MTM1: variants seen among roughly 807,000 people sequenced by gnomAD.
The protein encoded by MTM1 is myotubularin.
Under a neutral mutation model 52.1 loss-of-function variants are expected in MTM1, and 9 were observed. That is an observed-to-expected ratio of 0.17 (90% confidence interval 0.10 to 0.30). The LOEUF (loss-of-function observed/expected upper bound fraction) is 0.30, where lower values mean the gene tolerates loss of function less well. Among genes scored for constraint, MTM1 ranks in the 10% least tolerant of loss-of-function variants. The pLI is 1.00. For synonymous variants in MTM1, 136 were observed against 163.8 expected (o/e 0.83, Z 1.29); for missense variants, 277 against 470.7 (o/e 0.59, Z 3.81).
intron 10 of MTM1, among the ~76,000 whole-genome samples, chrX:150,653,863 G>A (rs1557414303): frequency 8.9e-6 from 1 of 112,143 alleles, no homozygotes; most frequent in African/African-American, 3.2e-5. Flanking sequence ...TTGGATGGCA[G>A]CTAGCCCTCA....
rs140383656 is a variant in MTM1, at chrX:150,671,255, T to C, written c.1645-173T>C. Among the ~76,000 whole-genome samples, 153 of 111,935 alleles carry C rather than the reference T, an allele frequency of 1.4e-3. 1 individual carries two copies. The highest frequency in any genetic ancestry group is 4.8e-3 in the African/African-American group (148 of 30,805). ...GTACTTGGGTGTTTAGTACTCTGTG[T>C]TGTACTTTCCTGTATGTGTCAATGA... On this transcript the variant is annotated intron_variant, in intron 14 of 14. Transcript: ENST00000370396.
chrX:150,575,739 A>T (rs956207327), intron 1 of MTM1, among the ~76,000 whole-genome samples: 27 of 111,874 alleles, frequency 2.4e-4, no homozygotes, highest in African/African-American at 8.5e-4. Context: ...TATTGTGTTT[A>T]CTCTAGGTTT....
chrX:150,662,524 A>G (rs1337838406), intron 13 of MTM1, among the ~76,000 whole-genome samples: 4 of 110,496 alleles, frequency 3.6e-5, no homozygotes, highest in African/African-American at 1.3e-4. Context: ...GGGCTTCACC[A>G]TGTTGGCCAG....
intron 1 of MTM1, among the ~76,000 whole-genome samples, chrX:150,583,239 A>T (rs1197488539): frequency 1.5e-5 from 1 of 68,381 alleles, no homozygotes; most frequent in Non-Finnish European, 2.4e-5. Flanking sequence ...TTATATATAA[A>T]TTATAAATTT....
At position 150,616,327 on chromosome X, in the gene MTM1, G is replaced by A. The variant is rs145564894; in HGVS notation, c.342+1628G>A. 2.1e-4 allele frequency among the ~76,000 whole-genome samples: 23 copies of A among 111,824 alleles called. No individual in the cohort carries two copies. The East Asian group carries it at 6.2e-3, about 30-fold the overall frequency. On this transcript the variant is annotated intron_variant, in intron 5 of 14. Transcript: ENST00000370396. ...AAATTGTCTCCCCAGAAACACTGACGTCACAGAGTCATATTCCATTTTCTC... is the reference window on the plus strand; with the variant it reads ...AAATTGTCTCCCCAGAAACACTGACATCACAGAGTCATATTCCATTTTCTC...
chrX:150,646,615 A>G (rs781983824), intron 9 of MTM1, among the ~76,000 whole-genome samples: 1 of 111,957 alleles, frequency 8.9e-6, no homozygotes, highest in African/African-American at 3.2e-5. Context: ...TCCTCCCATC[A>G]TTGCTGTCAC....
Position 150,661,243 on chromosome X carries a change from C to T in MTM1, c.1467+759C>T, listed in dbSNP as rs999511163. ...TTTGCCATGTTACCTGGGCTGGTCTCGAACTCCTGAGCTCAAGTGATCCAC... is the reference window on the plus strand; with the variant it reads ...TTTGCCATGTTACCTGGGCTGGTCTTGAACTCCTGAGCTCAAGTGATCCAC... On this transcript the variant is annotated intron_variant, in intron 13 of 14. Coordinates refer to ENST00000370396, the MANE Select transcript of MTM1 (RefSeq NM_000252.3). Among the ~76,000 whole-genome samples, 11 of 110,733 alleles carry T rather than the reference C, an allele frequency of 9.9e-5. No individual in the cohort carries two copies. The East Asian group carries it at 2.8e-3, about 29-fold the overall frequency.
At chrX:150,585,876 TC>T (rs1347917632) in intron 1 of MTM1, among the ~76,000 whole-genome samples, 1 of 112,003 alleles carries the variant, frequency 8.9e-6, no homozygotes, top group Non-Finnish European at 1.9e-5. Flanking sequence ...GTTACCCTGT[TC>T]CATGGCCACA....
chrX:150,645,952 T>G (rs1006290280), intron 9 of MTM1, 81 bp downstream of exon 9: 5 of 910,594 alleles, frequency 5.5e-6, no homozygotes, highest in Non-Finnish European at 4.8e-6. Context: ...TGCCATGATA[T>G]AGAAACACGT....
At chrX:150,615,772 T>C (rs1363122779) in intron 5 of MTM1, among the ~76,000 whole-genome samples, 1 of 112,234 alleles carries the variant, frequency 8.9e-6, no homozygotes, top group Non-Finnish European at 1.9e-5. Context: ...CAAGACTCGT[T>C]TTTTCTATCA....
chrX:150,590,249 C>T (rs781985069), intron 1 of MTM1, among the ~76,000 whole-genome samples: 5 of 112,270 alleles, frequency 4.5e-5, no homozygotes, highest in Non-Finnish European at 9.4e-5. Context: ...GGAACTGGCA[C>T]ATGTTATCTG....
At chrX:150,575,920 T>C (rs2038464172) in intron 1 of MTM1, among the ~76,000 whole-genome samples, 1 of 111,329 alleles carries the variant, frequency 9.0e-6, no homozygotes, top group African/African-American at 3.3e-5. Context: ...CAAGCAATTC[T>C]CCTGCCTCAG....
chrX:150,568,907 C>T (rs919495048), intron 1 of MTM1, among the ~76,000 whole-genome samples: 1 of 112,872 alleles, frequency 8.9e-6, no homozygotes, highest in Non-Finnish European at 1.9e-5. Context: ...CCAAGGTGGC[C>T]GGCCGGCGGC....
At chrX:150,641,482 A>G in intron 8 of MTM1, 64 bp downstream of exon 8, 1 of 1,155,661 alleles carries the variant, frequency 8.7e-7, no homozygotes, top group Non-Finnish European at 1.2e-6. Flanking sequence ...TGGTAGTCAT[A>G]TAACTTAGAG....
At chrX:150,630,195 C>A (rs1025308667) in intron 6 of MTM1, among the ~76,000 whole-genome samples, 1 of 111,748 alleles carries the variant, frequency 8.9e-6, no homozygotes, top group Non-Finnish European at 1.9e-5. Flanking sequence ...CGGGTTCAAG[C>A]GATTTTCGTG....
At chrX:150,626,370 G>A (rs1557413426) in intron 6 of MTM1, among the ~76,000 whole-genome samples, 2 of 111,683 alleles carry the variant, frequency 1.8e-5, no homozygotes, top group African/African-American at 6.5e-5. Context: ...CTGGAGTGCA[G>A]TGGCATGATC....
intron 8 of MTM1, among the ~76,000 whole-genome samples, chrX:150,642,998 G>C (rs1374147940): frequency 9.1e-6 from 1 of 110,497 alleles, no homozygotes; most frequent in Non-Finnish European, 1.9e-5. Flanking sequence ...TTCTAAAATG[G>C]CTTTTATAGG....
chrX:150,604,919 C>T (rs1406357283), intron 4 of MTM1, among the ~76,000 whole-genome samples: 1 of 110,828 alleles, frequency 9.0e-6, no homozygotes, highest in Non-Finnish European at 1.9e-5. Context: ...GTATACACCC[C>T]GTGCTTTGGC....
intron 1 of MTM1, among the ~76,000 whole-genome samples, chrX:150,586,685 G>A (rs1293173998): frequency 9.0e-6 from 1 of 111,023 alleles, no homozygotes; most frequent in Non-Finnish European, 1.9e-5. Context: ...AGGCCGATGT[G>A]GGCGGATCAC....
Sources: allele counts gnomAD v4.1 joint callset (sites outside exome capture counted in the v4.1 genomes callset), GRCh38; gene constraint gnomAD v4.1.1; transcripts MANE v1.5; gene names NCBI Gene and HGNC (gene_info 2026-07-23, HGNC 2026-07-21).